The following GLIS1 variants were observed in gnomAD, a reference collection of about 807,000 sequenced individuals.
GLIS1 encodes zinc finger protein GLIS1.
In GLIS1, 24 loss-of-function variants were observed where a neutral mutation model predicts 63.8. That is an observed-to-expected ratio of 0.38 (90% CI 0.27 to 0.53). The LOEUF is 0.53. GLIS1 is among the 20% of genes least tolerant of loss of function. GLIS1 has a pLI of 0.85. For missense variants in GLIS1, 1,036 were observed against 1,074.1 expected (o/e 0.96, Z 0.50); for synonymous variants, 450 against 482.5 (o/e 0.93, Z 0.88).
intron 2 of GLIS1, among the ~76,000 whole-genome samples, chr1:53,714,581 TCCACTGTA>T (rs1044516492): frequency 3.3e-5 from 5 of 152,210 alleles, no homozygotes. Context: ...CCCCATCTTT[TCCACTGTA>T]CCAGCTGCGG....
chr1:53,663,748 T>C (rs1368312502), intron 2 of GLIS1, among the ~76,000 whole-genome samples: 4 of 152,154 alleles, frequency 2.6e-5, no homozygotes, highest in Non-Finnish European at 2.9e-5. Flanking sequence ...CTAAGCTCCA[T>C]GGAGGTCTCT....
Position 53,507,083 on chromosome 1 carries a change from G to A in GLIS1, c.2231-307C>T, listed in dbSNP as rs914479474. Among the ~76,000 whole-genome samples the A allele has an allele frequency of 2.6e-5, 4 of 152,174 alleles. No homozygotes were observed. The South Asian group carries it at 8.3e-4, about 31-fold the overall frequency. On this transcript the variant is annotated intron_variant, in intron 10 of 10. Transcript: ENST00000628545. ...GCTGTGGGGCAGAATGTGGGGGAAA[G>A]AGAGGAGCAGGGTAGGAGCAGCTCA...
At chr1:53,720,267 T>C (rs534225609) in intron 2 of GLIS1, among the ~76,000 whole-genome samples, 2 of 152,276 alleles carry the variant, frequency 1.3e-5, no homozygotes, top group South Asian at 2.1e-4. Flanking sequence ...TGTCCATCAA[T>C]AGACAAATGG....
chr1:53,579,147 C>T (rs1002339494), intron 4 of GLIS1, among the ~76,000 whole-genome samples: 2 of 151,660 alleles, frequency 1.3e-5, no homozygotes, highest in Admixed American at 1.3e-4. Context: ...ATAAAATATA[C>T]TTTTAAATGT....
At position 53,506,490 on chromosome 1, in the gene GLIS1, C is replaced by G; in HGVS notation, c.*129G>C. On this transcript the variant is annotated 3_prime_UTR_variant, in exon 11 of 11. Transcript: ENST00000628545. The stretch of plus-strand genomic sequence containing the variant: ...GGGTGGGGTGGCAGCGCTGGCTCCC[C>G]TGGGTCATGGCCTGGCTGTTCCGGC... The G allele has an allele frequency of 9.8e-7, 1 of 1,022,012 alleles. No individual in the cohort carries two copies. Among genetic ancestry groups the G allele is most frequent in the Non-Finnish European group, 1.4e-6 (1 of 695,588 alleles). The allele number at this position is 1,022,012 out of a possible 1,614,324, so 63.3% of individuals were successfully genotyped here. A position where few individuals can be genotyped will look rare whatever the true frequency, so the allele number is the denominator to read the frequency against.
intron 4 of GLIS1, among the ~76,000 whole-genome samples, chr1:53,555,861 ATGTGTGTGCAGGTGTACTGCAGGTG>A (rs1569818858): frequency 5.4e-5 from 5 of 92,304 alleles, no homozygotes; most frequent in South Asian, 3.8e-4. Context: ...TACTGTAGGT[ATGTGTGTGCAGGTGTACTGCAGGTG>A]TGTGTGTGCA....
chr1:53,731,296 G>T (rs1181878426), intron 2 of GLIS1, among the ~76,000 whole-genome samples: 2 of 152,198 alleles, frequency 1.3e-5, no homozygotes, highest in African/African-American at 4.8e-5. Context: ...AGTTCTGCAG[G>T]GGGAGAGGAG....
chr1:53,606,929 C>A (rs894020831), intron 2 of GLIS1, among the ~76,000 whole-genome samples: 1 of 152,160 alleles, frequency 6.6e-6, no homozygotes, highest in Non-Finnish European at 1.5e-5. Flanking sequence ...AGGACGGCGC[C>A]GCGGAGACAC....
chr1:53,640,432 C>T (rs980534103), intron 2 of GLIS1, among the ~76,000 whole-genome samples: 3 of 152,216 alleles, frequency 2.0e-5, no homozygotes, highest in Non-Finnish European at 4.4e-5. Flanking sequence ...GGTGAAAATC[C>T]TGGCCTGTCC....
At chr1:53,620,451 C>T (rs905788761) in intron 2 of GLIS1, among the ~76,000 whole-genome samples, 3 of 152,232 alleles carry the variant, frequency 2.0e-5, no homozygotes, top group African/African-American at 2.4e-5. Flanking sequence ...CAGTTTATGC[C>T]GGCAGAGCTG....
chr1:53,725,435 A>G (rs1471546514), intron 2 of GLIS1, among the ~76,000 whole-genome samples: 1 of 152,182 alleles, frequency 6.6e-6, no homozygotes, highest in African/African-American at 2.4e-5. Context: ...TCTGTGACTC[A>G]GCAGACCAAG....
intron 4 of GLIS1, among the ~76,000 whole-genome samples, chr1:53,568,740 C>A (rs975798076): frequency 6.6e-6 from 1 of 152,196 alleles, no homozygotes; most frequent in African/African-American, 2.4e-5. Flanking sequence ...CCTGCTCCAC[C>A]ATGATAAGAC....
intron 4 of GLIS1, among the ~76,000 whole-genome samples, chr1:53,571,377 C>A (rs905555058): frequency 1.3e-5 from 2 of 152,182 alleles, no homozygotes; most frequent in Non-Finnish European, 2.9e-5. Context: ...TCTAGGCACA[C>A]ATTCTAGTGA....
At chr1:53,689,320 C>T (rs976107872) in intron 2 of GLIS1, among the ~76,000 whole-genome samples, 3 of 152,214 alleles carry the variant, frequency 2.0e-5, no homozygotes, top group African/African-American at 4.8e-5. Context: ...AGAGGCACCA[C>T]CTGCCTGGGC....
intron 9 of GLIS1, 134 bp from the exon 10 acceptor site, chr1:53,509,421 G>A (rs1644274350): frequency 5.0e-6 from 5 of 994,656 alleles, no homozygotes; most frequent in Non-Finnish European, 7.3e-6. Context: ...AGAGAGGAGG[G>A]CCCAGGGCAG....
chr1:53,591,480 T>C (rs1450040044), intron 4 of GLIS1, among the ~76,000 whole-genome samples: 2 of 152,250 alleles, frequency 1.3e-5, no homozygotes, highest in African/African-American at 2.4e-5. Flanking sequence ...TCGAGTCCCA[T>C]TCCAATGGTT....
At chr1:53,536,100 T>C (rs1216552011) in intron 4 of GLIS1, among the ~76,000 whole-genome samples, 1 of 152,102 alleles carries the variant, frequency 6.6e-6, no homozygotes, top group Non-Finnish European at 1.5e-5. Flanking sequence ...AACCACTGTG[T>C]GCAGAGGCAT....
intron 4 of GLIS1, among the ~76,000 whole-genome samples, chr1:53,564,167 G>A (rs1319735654): frequency 6.6e-6 from 1 of 152,168 alleles, no homozygotes; most frequent in Non-Finnish European, 1.5e-5. Context: ...AGAAAGGCCA[G>A]AACTAGAACA....
intron 2 of GLIS1, among the ~76,000 whole-genome samples, chr1:53,688,277 C>T (rs555261249): frequency 6.6e-6 from 1 of 152,344 alleles, no homozygotes; most frequent in East Asian, 1.9e-4. Context: ...GGGATAAATC[C>T]GTCTGAGTCT....
Sources: allele counts gnomAD v4.1 joint callset (sites outside exome capture counted in the v4.1 genomes callset), GRCh38; gene constraint gnomAD v4.1.1; transcripts MANE v1.5; gene names NCBI Gene and HGNC (gene_info 2026-07-23, HGNC 2026-07-21).